FAM229B: variants seen among roughly 807,000 people sequenced by gnomAD.
FAM229B encodes protein FAM229B.
In FAM229B, 2 loss-of-function variants were observed where a neutral mutation model predicts 6.7. That is an observed-to-expected ratio of 0.30 (90% confidence interval 0.12 to 0.94). FAM229B has a LOEUF of 0.94. Among genes scored for constraint, FAM229B ranks in the 40% least tolerant of loss-of-function variants. The pLI is 0.54. For missense variants in FAM229B, 93 were observed against 96.2 expected, an observed-to-expected ratio of 0.97 and a Z score of 0.14; for synonymous variants, 29 against 34.0, an observed-to-expected ratio of 0.85 and a Z score of 0.51.
intron 1 of FAM229B, among the ~76,000 whole-genome samples, chr6:112,088,400 G>A (rs1218052877): frequency 6.6e-6 from 1 of 152,124 alleles, no homozygotes; most frequent in Non-Finnish European, 1.5e-5. Flanking sequence ...AAGAACTCAA[G>A]TACTTCTTTA....
chr6:112,092,771 A>T (rs1354411589), intron 1 of FAM229B, among the ~76,000 whole-genome samples: 2 of 152,008 alleles, frequency 1.3e-5, no homozygotes, highest in Non-Finnish European at 2.9e-5. Flanking sequence ...GGGGAAATGG[A>T]ATATACTTTT....
At chr6:112,098,301 G>A (rs1777353050) in intron 2 of FAM229B, among the ~76,000 whole-genome samples, 1 of 152,132 alleles carries the variant, frequency 6.6e-6, no homozygotes, top group East Asian at 1.9e-4. Flanking sequence ...CAGGGGGTAG[G>A]GAAGTGTTCC....
chr6:112,090,164 C>T (rs1777239260), intron 1 of FAM229B, among the ~76,000 whole-genome samples: 1 of 152,102 alleles, frequency 6.6e-6, no homozygotes, highest in Non-Finnish European at 1.5e-5. Context: ...TATTCTGTAG[C>T]TTTTGTAAGT....
rs181786913 is a variant in FAM229B, at chr6:112,089,489, T to C, written c.-176+1769T>C. On this transcript the variant is annotated intron_variant, in intron 1 of 3. Coordinates refer to ENST00000368656, the MANE Select transcript of FAM229B (RefSeq NM_001033564.3). ...AGACAAGATACTAAAATAATAAGAC[T>C]CAAGCTCTATGAGGGCTGAGTCTTG... Among the ~76,000 whole-genome samples the C allele has an allele frequency of 4.8e-4, 73 of 152,248 alleles. 1 individual carries two copies. Among genetic ancestry groups the C allele is most frequent in the Admixed American group, 1.0e-3 (16 of 15,302 alleles).
At chr6:112,094,026 A>G (rs2114504671) in intron 1 of FAM229B, among the ~76,000 whole-genome samples, 1 of 152,268 alleles carries the variant, frequency 6.6e-6, no homozygotes, top group East Asian at 1.9e-4. Flanking sequence ...AAAATACAAA[A>G]TTAAAAAATT....
At position 112,101,027 on chromosome 6, in the gene FAM229B, C is replaced by T. The variant is rs1207276749; in HGVS notation, c.*240C>T. On this transcript the variant is annotated 3_prime_UTR_variant, in exon 4 of 4. Transcript: ENST00000368656. ...CACAATTAGAAAGTACCTTAGAGATCATCTTGCTCACAGTAGATCATTAAT... is the reference window on the plus strand; with the variant it reads ...CACAATTAGAAAGTACCTTAGAGATTATCTTGCTCACAGTAGATCATTAAT... 5.3e-6 allele frequency: 2 copies of T among 380,482 alleles called. No individual in the cohort carries two copies. Among genetic ancestry groups the T allele is most frequent in the Non-Finnish European group, 4.7e-6 (1 of 211,692 alleles). 23.6% of individuals were successfully genotyped at this position (380,482 alleles called of 1,614,324 possible).
chr6:112,088,732 C>T (rs1777214579), intron 1 of FAM229B, among the ~76,000 whole-genome samples: 2 of 152,102 alleles, frequency 1.3e-5, no homozygotes, highest in Admixed American at 1.3e-4. Context: ...TAAAGTTGGG[C>T]ATTTTAGGTC....
Position 112,087,659 on chromosome 6 carries a change from T to G in FAM229B, c.-237T>G. ...AGCGACTGGGCTTCTGGACTGTATA[T>G]CCTAGCTGCCTTGTCAACATCTTCG... On this transcript the variant is annotated 5_prime_UTR_variant, in exon 1 of 4. Coordinates refer to ENST00000368656, the MANE Select transcript of FAM229B (RefSeq NM_001033564.3). 1.3e-5 allele frequency: 7 copies of G among 527,774 alleles called. No homozygotes were observed. The South Asian group carries it at 1.9e-4, about 14-fold the overall frequency. 32.7% of individuals were successfully genotyped at this position (527,774 alleles called of 1,614,324 possible).
chr6:112,097,443 G>C (rs749034721), intron 2 of FAM229B, among the ~76,000 whole-genome samples: 1 of 152,164 alleles, frequency 6.6e-6, no homozygotes, highest in Non-Finnish European at 1.5e-5. Flanking sequence ...CTAGGCATAA[G>C]AAATAGTTGC....
intron 3 of FAM229B, among the ~76,000 whole-genome samples, chr6:112,099,812 C>A (rs73541459): frequency 0.05 from 7,559 of 152,256 alleles, 622 homozygotes; most frequent in African/African-American, 0.17. Flanking sequence ...AAGACTTAGA[C>A]CTCAGAGTTA....
intron 2 of FAM229B, among the ~76,000 whole-genome samples, chr6:112,097,615 A>G (rs1359903614): frequency 2.6e-5 from 4 of 152,014 alleles, no homozygotes; most frequent in African/African-American, 9.7e-5. Context: ...AGTTGAAAAC[A>G]TTGTGTACTA....
chr6:112,096,706 G>A (rs1554318692), intron 1 of FAM229B, among the ~76,000 whole-genome samples: 1 of 152,134 alleles, frequency 6.6e-6, no homozygotes, highest in Non-Finnish European at 1.5e-5. Flanking sequence ...CCATGTAAGA[G>A]TTATAGAGAA....
At chr6:112,100,577 AAC>A in intron 3 of FAM229B, 91 bp from the exon 4 acceptor site, 1 of 795,844 alleles carries the variant, frequency 1.3e-6, no homozygotes, top group South Asian at 1.6e-5. Flanking sequence ...AGTGATTTAA[AAC>A]AGTTAAATAT....
intron 2 of FAM229B, among the ~76,000 whole-genome samples, chr6:112,098,245 T>A (rs982248372): frequency 6.6e-6 from 1 of 152,160 alleles, no homozygotes. Flanking sequence ...AAATGTAAAT[T>A]CAGACTTAAT....
intron 1 of FAM229B, among the ~76,000 whole-genome samples, chr6:112,096,658 A>C (rs1225114642): frequency 2.0e-5 from 3 of 151,596 alleles, no homozygotes; most frequent in African/African-American, 7.3e-5. Context: ...AAAAAAAATA[A>C]AGTTAGTCCA....
chr6:112,095,635 C>CAAAAAAAAAAAAAAAAAAAAAAAAAACAA (rs1186446249), intron 1 of FAM229B, among the ~76,000 whole-genome samples: 10 of 48,782 alleles, frequency 2.0e-4, no homozygotes, highest in Non-Finnish European at 3.2e-4. Flanking sequence ...GACCCTGTCT[C>CAAAAAAAAAAAAAAAAAAAAAAAAAACAA]AAAAAAAAAA....
chr6:112,101,657 C>G lies in FAM229B; in HGVS notation c.*870C>G, dbSNP rs1777400975. Reference sequence around the variant, plus strand: ...TCTCTCGATGGCTGTCAGCACCCATCTAATGAAATTGTCTTCTCCAAAAGA... The same window carrying G: ...TCTCTCGATGGCTGTCAGCACCCATGTAATGAAATTGTCTTCTCCAAAAGA... On this transcript the variant is annotated 3_prime_UTR_variant, in exon 4 of 4. Coordinates refer to ENST00000368656, the MANE Select transcript of FAM229B (RefSeq NM_001033564.3). The G allele has an allele frequency of 6.6e-6, 1 of 151,574 alleles. No homozygotes were observed. Among genetic ancestry groups the G allele is most frequent in the Non-Finnish European group, 1.5e-5 (1 of 68,036 alleles). The allele number at this position is 151,574 out of a possible 1,614,324, so 9.4% of individuals were successfully genotyped here.
intron 2 of FAM229B, among the ~76,000 whole-genome samples, chr6:112,097,735 G>A (rs1168271990): frequency 2.0e-5 from 3 of 152,142 alleles, no homozygotes; most frequent in Non-Finnish European, 4.4e-5. Flanking sequence ...AAAACATTGT[G>A]TACTAATAGT....
chr6:112,089,626 GACA>G (rs1277926870), intron 1 of FAM229B, among the ~76,000 whole-genome samples: 1 of 151,954 alleles, frequency 6.6e-6, no homozygotes, highest in African/African-American at 2.4e-5. Context: ...ATTAACTGAA[GACA>G]ACAACATCCA....
Sources: allele counts gnomAD v4.1 joint callset (sites outside exome capture counted in the v4.1 genomes callset), GRCh38; gene constraint gnomAD v4.1.1; transcripts MANE v1.5; gene names NCBI Gene and HGNC (gene_info 2026-07-23, HGNC 2026-07-21).